The following TJP2 variants were observed in gnomAD, a reference collection of about 807,000 sequenced individuals.
TJP2 encodes tight junction protein 2, also known as Friedreich ataxia region gene X104 (tight junction protein ZO-2).
Under a neutral mutation model 133.1 loss-of-function variants are expected in TJP2, and 91 were observed. The observed-to-expected ratio is 0.68, with a 90% CI of 0.58 to 0.81. The LOEUF (loss-of-function observed/expected upper bound fraction) is 0.81. TJP2 is among the 40% of genes least tolerant of loss of function. The pLI is 0.00. For missense variants in TJP2, 1,541 were observed against 1,565.6 expected (o/e 0.98, Z 0.26); for synonymous variants, 592 against 583.4 (o/e 1.01, Z -0.21).
At chr9:69,188,283 GAT>G (rs934525405) in intron 1 of TJP2, among the ~76,000 whole-genome samples, 1 of 152,160 alleles carries the variant, frequency 6.6e-6, no homozygotes, top group African/African-American at 2.4e-5. Flanking sequence ...CCTTGGTGTA[GAT>G]CTCACTGACT....
chr9:69,228,677 AATT>A (rs1829534330), intron 9 of TJP2, among the ~76,000 whole-genome samples: 1 of 152,200 alleles, frequency 6.6e-6, no homozygotes, highest in Non-Finnish European at 1.5e-5. Flanking sequence ...GGAAATAAAA[AATT>A]ATATATGGAA....
upstream of TJP2, chr9:69,174,217 G>T: frequency 7.0e-7 from 1 of 1,419,762 alleles, no homozygotes; most frequent in South Asian, 1.6e-5. Context: ...GCCGCCGCGG[G>T]AGGAGGGACA....
intron 1 of TJP2, among the ~76,000 whole-genome samples, chr9:69,209,204 C>T (rs1003902360): frequency 2.6e-5 from 4 of 152,116 alleles, no homozygotes; most frequent in Non-Finnish European, 4.4e-5. Flanking sequence ...GCAATCTCAG[C>T]TCATTGCAAC....
At chr9:69,177,160 C>T (rs1320438607) in intron 1 of TJP2, among the ~76,000 whole-genome samples, 1 of 152,166 alleles carries the variant, frequency 6.6e-6, no homozygotes, top group Non-Finnish European at 1.5e-5. Context: ...ATTGATTTGA[C>T]TCTAAGCAGT....
chr9:69,214,930 CA>C (rs915556463), intron 2 of TJP2, among the ~76,000 whole-genome samples: 4 of 150,968 alleles, frequency 2.6e-5, no homozygotes, highest in African/African-American at 9.7e-5. Context: ...ATGAAACTAC[CA>C]ACACATCTAC....
chr9:69,248,820 G>A, intron 19 of TJP2: 3 of 994,582 alleles, frequency 3.0e-6, no homozygotes, highest in South Asian at 9.0e-5. Context: ...AGCCAAGTTA[G>A]CAATTATTAG....
intron 2 of TJP2, among the ~76,000 whole-genome samples, chr9:69,167,865 C>CA (rs33986127): frequency 0.2 from 26,284 of 128,774 alleles, 2,622 homozygotes; most frequent in South Asian, 0.27. Context: ...GAGAGTCTGT[C>CA]AAAAAAAAAA....
intron 1 of TJP2, among the ~76,000 whole-genome samples, chr9:69,151,341 C>T (rs11145463): frequency 0.42 from 64,246 of 151,788 alleles, 13,872 homozygotes; most frequent in East Asian, 0.63. Context: ...ATTAGCCGGG[C>T]GTGGTGGCGC....
At position 69,138,154 on chromosome 9, in the gene TJP2, C is replaced by T. The variant is rs552598783; in HGVS notation, c.-130-13497C>T. On this transcript the variant is annotated intron_variant, in intron 1 of 5. Transcript: ENST00000423935. ...TACCAGTTCTCTCATCTTGAACCAA[C>T]GTTCCGCCCGTTCCATACCCAGACC... Among the ~76,000 whole-genome samples, 3 of 152,276 alleles carry T rather than the reference C, an allele frequency of 2.0e-5. No homozygotes were observed. The South Asian group carries it at 6.2e-4, about 32-fold the overall frequency.
intron 17 of TJP2, among the ~76,000 whole-genome samples, chr9:69,240,983 G>A (rs1830544377): frequency 6.6e-6 from 1 of 152,116 alleles, no homozygotes; most frequent in South Asian, 2.1e-4. Flanking sequence ...TTGAGAATTT[G>A]CCTAAATAGT....
At chr9:69,161,834 G>A (rs12379822) in intron 2 of TJP2, among the ~76,000 whole-genome samples, 27,683 of 149,930 alleles carry the variant, frequency 0.18, 2,650 homozygotes, top group Middle Eastern at 0.24. Flanking sequence ...GATCACCTGA[G>A]GTCAGGAATT....
At chr9:69,205,291 G>T in intron 1 of TJP2, 6 of 1,537,054 alleles carry the variant, frequency 3.9e-6, no homozygotes, top group Non-Finnish European at 5.2e-6. Flanking sequence ...ATGGGAAGGG[G>T]AGGGAAGCAA....
chr9:69,225,020 A>G lies in TJP2; in HGVS notation c.953-284A>G, dbSNP rs369067590. Among the ~76,000 whole-genome samples, 7 of 152,292 alleles carry G rather than the reference A, an allele frequency of 4.6e-5. No individual in the cohort carries two copies. The East Asian group carries it at 1.3e-3, about 29-fold the overall frequency. ...ATAGTTCATTTTCAGATTGCTCCAA[A>G]TGATGTAACTCATTCTTCCCCCACC... is the stretch of plus-strand genomic sequence containing the variant. On this transcript the variant is annotated intron_variant, in intron 5 of 22. Coordinates refer to ENST00000377245, the MANE Select transcript of TJP2 (RefSeq NM_004817.4).
rs548512481 is a variant in TJP2, at chr9:69,234,370, T to TTTTCTTTCTTTCTTTCTTTC, written c.1672-57_1672-38dup. ...GCATCTTACTATAAACTTCTCTGTT[T>TTTTCTTTCTTTCTTTCTTTC]TTTCTTTCTTTCTTTCTTTCTTTCT... On this transcript the variant is annotated intron_variant, in intron 11 of 22. Coordinates refer to ENST00000377245, the MANE Select transcript of TJP2 (RefSeq NM_004817.4). 74 of 1,117,808 alleles carry TTTTCTTTCTTTCTTTCTTTC rather than the reference T, an allele frequency of 6.6e-5. 1 individual carries two copies. The African/African-American group carries it at 8.5e-4, about 13-fold the overall frequency. The allele number at this position is 1,117,808 out of a possible 1,614,324, so 69.2% of individuals were successfully genotyped here. A position where few individuals can be genotyped will look rare whatever the true frequency, so the allele number is the denominator to read the frequency against.
Position 69,246,728 on chromosome 9 carries a change from G to C in TJP2, c.2605G>C (p.Gly869Arg). The C allele has an allele frequency of 6.2e-7, 1 of 1,614,036 alleles. No individual in the cohort carries two copies. Among genetic ancestry groups the C allele is most frequent in the Middle Eastern group, 1.6e-4 (1 of 6,062 alleles). ...NLNSANDSWF[G>R]SLKDTIQHQQ... ...AAATTCAGCCAATGATAGCTGGTTT[G>C]GCAGCTTAAAGGACACTATTCAGCA... The change falls in exon 18 of 23, where the codon GGC becomes CGC. Residue 869 changes from glycine (G) to arginine (R), a missense_variant. Coordinates refer to ENST00000377245, the MANE Select transcript of TJP2 (RefSeq NM_004817.4).
chr9:69,229,462 G>A (rs1327834707), intron 10 of TJP2, among the ~76,000 whole-genome samples: 1 of 152,204 alleles, frequency 6.6e-6, no homozygotes, highest in African/African-American at 2.4e-5. Context: ...TGATGTTAAT[G>A]TTGTCTGTTT....
chr9:69,237,789 T>C (rs558813433), intron 14 of TJP2, 89 bp from the exon 15 acceptor site: 40 of 934,200 alleles, frequency 4.3e-5, no homozygotes, highest in East Asian at 3.0e-4. Context: ...CGTTTAGTTA[T>C]GTTATCAAAA....
chr9:69,121,826 G>C (rs1822157630), intron 1 of TJP2: 1 of 152,418 alleles, frequency 6.6e-6, no homozygotes, highest in African/African-American at 2.4e-5. Context: ...GGCGTCGCCG[G>C]GATGCCTTCC....
rs1370788078 is a variant in TJP2 at position 69,127,495 on chromosome 9, G to A, written c.-131+5770G>A. On this transcript the variant is annotated intron_variant, in intron 1 of 5. Coordinates refer to the TJP2 transcript ENST00000423935. ...CTTGAGCCCAAGAGATCGGGGCTTC[G>A]CCAAGCTATGATCATGCCACTGGGC... Among the ~76,000 whole-genome samples the A allele has an allele frequency of 2.7e-5, 2 of 74,604 alleles. 1 individual carries two copies. Among genetic ancestry groups the A allele is most frequent in the African/African-American group, 8.2e-5 (2 of 24,364 alleles). 48.9% of individuals were successfully genotyped at this position (74,604 alleles called of 152,430 possible).
Sources: gnomAD v4.1 joint callset for allele counts (sites outside exome capture counted in the v4.1 genomes callset) on GRCh38, gnomAD v4.1.1 for gene constraint, MANE v1.5 for transcripts, NCBI Gene and HGNC (gene_info 2026-07-23, HGNC 2026-07-21) for gene names.